PTPRJ: variants seen among roughly 807,000 people sequenced by gnomAD.
PTPRJ encodes the protein protein tyrosine phosphatase receptor type J.
PTPRJ carries 129 observed loss-of-function variants against 141.3 expected under a neutral mutation model. The ratio of observed to expected loss-of-function variants is 0.91; its 90% CI spans 0.79 to 1.06. PTPRJ has a LOEUF of 1.06. PTPRJ is among the 50% of genes least tolerant of loss of function. The probability of loss-of-function intolerance (pLI) is 0.00; values close to 1 mark genes in which losing one functional copy is unlikely to be tolerated. For synonymous variants in PTPRJ, 610 were observed against 640.5 expected (o/e 0.95, Z 0.72); for missense variants, 1,601 against 1,679.7 (o/e 0.95, Z 0.82).
Position 48,125,040 on chromosome 11 carries a change from C to CTG in PTPRJ, c.950_951dup (p.Asp318TrpfsTer19). 6.2e-7 allele frequency: 1 copy of CTG among 1,614,138 alleles called. No homozygotes were observed. The highest frequency in any genetic ancestry group is 2.2e-5 in the East Asian group (1 of 44,868). ...GTGCATGATGAGTCCCTCGTGGGAC[C>CTG]TGTGGACCCATCCTCCGGCCAGCAG... On this transcript the variant is annotated frameshift_variant, in exon 6 of 25. Coordinates refer to ENST00000418331, the MANE Select transcript of PTPRJ (RefSeq NM_002843.4). LOFTEE classifies it high-confidence loss of function.
chr11:48,124,073 T>C (rs1319734299), intron 5 of PTPRJ, among the ~76,000 whole-genome samples: 1 of 152,202 alleles, frequency 6.6e-6, no homozygotes, highest in East Asian at 1.9e-4. Context: ...ACATTGGGGC[T>C]GAGAACAGCA....
intron 1 of PTPRJ, among the ~76,000 whole-genome samples, chr11:48,085,711 TAAAGGAGACCAA>T (rs1855685913): frequency 6.6e-6 from 1 of 152,146 alleles, no homozygotes; most frequent in Admixed American, 6.5e-5. Context: ...TTTAAGAGCA[TAAAGGAGACCAA>T]AAAGTTTAAG....
chr11:48,116,169 A>G (rs995882554), intron 3 of PTPRJ, among the ~76,000 whole-genome samples: 2 of 152,054 alleles, frequency 1.3e-5, no homozygotes, highest in East Asian at 1.9e-4. Context: ...TATGCTGTCT[A>G]CAAGAGACTC....
chr11:48,155,004 G>T (rs1253603925), intron 19 of PTPRJ, among the ~76,000 whole-genome samples: 1 of 152,084 alleles, frequency 6.6e-6, no homozygotes, highest in Admixed American at 6.6e-5. Flanking sequence ...GGAGGGTGAG[G>T]TAGTACAATC....
intron 5 of PTPRJ, among the ~76,000 whole-genome samples, chr11:48,124,389 C>G (rs1302661618): frequency 1.3e-5 from 2 of 152,200 alleles, no homozygotes; most frequent in African/African-American, 4.8e-5. Context: ...ACAGAAGGAA[C>G]AATTTATTGG....
rs1019348474 is a variant in PTPRJ, at chr11:48,164,380, T to C, written c.3720T>C (p.Ser1240=). 6.2e-7 allele frequency: 1 copy of C among 1,613,860 alleles called. No individual in the cohort carries two copies. The highest frequency in any genetic ancestry group is 8.5e-7 in the Non-Finnish European group (1 of 1,179,910). ...PPESPILVHC[S]AGVGRTGTFI... ...TAGGCTTATTTCTCTTTTCTCTCAG[T>C]GCTGGGGTCGGAAGGACGGGCACTT... is the stretch of plus-strand genomic sequence containing the variant. Residue 1240 remains serine, a splice_region_variant and synonymous_variant, in exon 24 of 25, where the codon AGT becomes AGC. Coordinates refer to ENST00000418331, the MANE Select transcript of PTPRJ (RefSeq NM_002843.4).
intron 1 of PTPRJ, among the ~76,000 whole-genome samples, chr11:48,019,976 AAAATG>A (rs1855067152): frequency 6.6e-6 from 1 of 152,260 alleles, no homozygotes; most frequent in Admixed American, 6.5e-5. Flanking sequence ...GAAGTAGAAT[AAAATG>A]AAATGAATAG....
chr11:48,101,113 C>T (rs1359535490), intron 1 of PTPRJ, among the ~76,000 whole-genome samples: 1 of 152,146 alleles, frequency 6.6e-6, no homozygotes, highest in Admixed American at 6.5e-5. Context: ...CTTTTGGGGT[C>T]CATGACATTT....
Position 48,160,058 on chromosome 11 carries a change from G to A in PTPRJ, c.3558+9G>A, listed in dbSNP as rs190608550. The stretch of plus-strand genomic sequence containing the variant: ...ATTTCACAGTGAAAAATGTAAGTAA[G>A]AAGTCAGGATCAGTTGAGCTCATGT... On this transcript the variant is annotated intron_variant, in intron 22 of 24. Transcript: ENST00000418331. 22 of 1,613,584 alleles carry A rather than the reference G, an allele frequency of 1.4e-5. No homozygotes were observed. In the East Asian group the frequency reaches 4.5e-4, roughly 33 times the overall value.
At chr11:48,138,883 C>T (rs927621036) in intron 10 of PTPRJ, among the ~76,000 whole-genome samples, 17 of 152,128 alleles carry the variant, frequency 1.1e-4, no homozygotes, top group African/African-American at 3.6e-4. Context: ...ACCTATAATC[C>T]CAGCACTTTG....
At chr11:48,155,574 C>T (rs764710449) in intron 19 of PTPRJ, among the ~76,000 whole-genome samples, 4 of 152,136 alleles carry the variant, frequency 2.6e-5, no homozygotes, top group Admixed American at 6.5e-5. Flanking sequence ...CTGGCCCTGC[C>T]ACTCATTAGC....
intron 18 of PTPRJ, among the ~76,000 whole-genome samples, chr11:48,152,566 T>A (rs1229171915): frequency 3.9e-5 from 6 of 152,184 alleles, no homozygotes; most frequent in Non-Finnish European, 8.8e-5. Flanking sequence ...TCTTCTAGGG[T>A]TTTTATGGTT....
chr11:48,086,081 A>G (rs766171113), intron 1 of PTPRJ, among the ~76,000 whole-genome samples: 5 of 152,220 alleles, frequency 3.3e-5, no homozygotes, highest in Non-Finnish European at 7.3e-5. Context: ...GATTGGTGAG[A>G]ATTGAAACAG....
At chr11:48,025,939 T>G (rs1004275813) in intron 1 of PTPRJ, among the ~76,000 whole-genome samples, 1 of 152,224 alleles carries the variant, frequency 6.6e-6, no homozygotes, top group Non-Finnish European at 1.5e-5. Context: ...CTTCCTGGAA[T>G]GCTCATCCCC....
intron 3 of PTPRJ, among the ~76,000 whole-genome samples, chr11:48,117,679 A>C (rs1488507345): frequency 1.3e-5 from 2 of 152,076 alleles, no homozygotes; most frequent in Non-Finnish European, 2.9e-5. Context: ...AACTAGAAAA[A>C]TAAGAACAAA....
At chr11:48,036,524 A>T (rs998891212) in intron 1 of PTPRJ, among the ~76,000 whole-genome samples, 2 of 152,212 alleles carry the variant, frequency 1.3e-5, no homozygotes, top group African/African-American at 2.4e-5. Flanking sequence ...AATATTATTT[A>T]AAAATTTTTG....
intron 1 of PTPRJ, among the ~76,000 whole-genome samples, chr11:48,080,849 A>G (rs957438136): frequency 2.0e-5 from 3 of 152,212 alleles, no homozygotes; most frequent in Non-Finnish European, 4.4e-5. Flanking sequence ...TTGGGCCCTA[A>G]GGCCAAGAGC....
intron 2 of PTPRJ, 37 bp downstream of exon 2, chr11:48,110,113 G>T (rs200345421): frequency 3.8e-6 from 6 of 1,599,488 alleles, no homozygotes; most frequent in Middle Eastern, 3.3e-4. Flanking sequence ...TGTGTTGTTC[G>T]CTACTGCCCC....
At chr11:47,988,363 C>T (rs911693916) in intron 1 of PTPRJ, among the ~76,000 whole-genome samples, 3 of 151,384 alleles carry the variant, frequency 2.0e-5, no homozygotes, top group Non-Finnish European at 2.9e-5. Flanking sequence ...TTTTGAGACA[C>T]GGTCTCAGTT....
Sources: allele counts gnomAD v4.1 joint callset (sites outside exome capture counted in the v4.1 genomes callset), GRCh38; gene constraint gnomAD v4.1.1; transcripts MANE v1.5; gene names NCBI Gene and HGNC (gene_info 2026-07-23, HGNC 2026-07-21).